GOLM2: variants seen among roughly 807,000 people sequenced by gnomAD.
The protein encoded by GOLM2 is protein GOLM2.
GOLM2 carries 26 observed loss-of-function variants against 55.9 expected under a neutral mutation model. That is an observed-to-expected ratio of 0.47 (90% CI 0.34 to 0.65). The LOEUF (loss-of-function observed/expected upper bound fraction) is 0.65, where lower values mean the gene tolerates loss of function less well. GOLM2 is among the 30% of genes least tolerant of loss of function. The pLI, the probability that GOLM2 is intolerant of heterozygous loss-of-function variation, is 0.01. For missense variants in GOLM2, 486 were observed against 531.8 expected (o/e 0.91, Z 0.85); for synonymous variants, 165 against 194.6 (o/e 0.85, Z 1.27).
At chr15:44,304,235 T>G (rs1353692252) in intron 1 of GOLM2, among the ~76,000 whole-genome samples, 1 of 131,852 alleles carries the variant, frequency 7.6e-6, no homozygotes, top group Non-Finnish European at 1.6e-5. Flanking sequence ...CACTTCTTTT[T>G]TTTTTTTTTT....
chr15:44,337,101 A>C (rs1022995007), intron 4 of GOLM2, among the ~76,000 whole-genome samples: 1 of 152,134 alleles, frequency 6.6e-6, no homozygotes, highest in Admixed American at 6.5e-5. Flanking sequence ...AAGCTTGTGT[A>C]CTTGAATCCT....
intron 6 of GOLM2, among the ~76,000 whole-genome samples, chr15:44,369,204 ATATGTG>A (rs1171619654): frequency 0.014 from 1,884 of 131,820 alleles, 49 homozygotes; most frequent in African/African-American, 0.054. Context: ...ATATATATAT[ATATGTG>A]TGTGTGTGTG....
chr15:44,391,320 C>G (rs2079487033), intron 8 of GOLM2, among the ~76,000 whole-genome samples: 1 of 151,904 alleles, frequency 6.6e-6, no homozygotes, highest in Admixed American at 6.6e-5. Flanking sequence ...CGAGACCATC[C>G]TGGCTAACAC....
At chr15:44,384,517 C>G (rs978620019) in intron 8 of GOLM2, among the ~76,000 whole-genome samples, 1 of 151,940 alleles carries the variant, frequency 6.6e-6, no homozygotes, top group African/African-American at 2.4e-5. Context: ...GAGGCTGAGG[C>G]GGGCAGATCA....
chr15:44,314,004 G>A (rs182371400), intron 1 of GOLM2, among the ~76,000 whole-genome samples: 3 of 152,072 alleles, frequency 2.0e-5, no homozygotes, highest in Non-Finnish European at 2.9e-5. Flanking sequence ...TTGGGAGGTC[G>A]AGGTGGGCAG....
intron 1 of GOLM2, among the ~76,000 whole-genome samples, chr15:44,290,680 G>C (rs938365792): frequency 1.3e-5 from 2 of 152,186 alleles, no homozygotes; most frequent in Non-Finnish European, 2.9e-5. Context: ...TTCCTACTTG[G>C]CATGGTTGAG....
intron 9 of GOLM2, among the ~76,000 whole-genome samples, chr15:44,411,180 C>A (rs573547357): frequency 1.2e-4 from 18 of 151,820 alleles, no homozygotes; most frequent in Admixed American, 9.2e-4. Flanking sequence ...CACAACCATG[C>A]CTGGCTAAAT....
Position 44,369,067 on chromosome 15 carries a change from T to TA in GOLM2, c.803-10623_803-10622insA, listed in dbSNP as rs1555424961. Among the ~76,000 whole-genome samples the TA allele has an allele frequency of 3.0e-3, 68 of 22,976 alleles. 1 individual carries two copies. Among genetic ancestry groups the TA allele is most frequent in the Middle Eastern group, 0.026 (1 of 38 alleles). The allele number at this position is 22,976 out of a possible 152,430, so 15.1% of individuals were successfully genotyped here. ...AGATATATACATATAATAGGATATATTATATATATATATATATATATATAT... is the reference window on the plus strand; with the variant it reads ...AGATATATACATATAATAGGATATATATATATATATATATATATATATATAT... On this transcript the variant is annotated intron_variant, in intron 6 of 9. Coordinates refer to ENST00000299957, the MANE Select transcript of GOLM2 (RefSeq NM_138423.4).
chr15:44,340,542 G>A (rs1193681105), intron 6 of GOLM2, among the ~76,000 whole-genome samples: 1 of 152,214 alleles, frequency 6.6e-6, no homozygotes, highest in Non-Finnish European at 1.5e-5. Context: ...ATAGGCGGGA[G>A]CTGTGGTGCC....
chr15:44,362,195 G>GCC (rs1416650365), intron 6 of GOLM2, among the ~76,000 whole-genome samples: 1 of 150,514 alleles, frequency 6.6e-6, no homozygotes, highest in Non-Finnish European at 1.5e-5. Flanking sequence ...TCTGGCCAGG[G>GCC]CAATTAGGCA....
At chr15:44,356,128 T>C (rs1350685607) in intron 6 of GOLM2, among the ~76,000 whole-genome samples, 2 of 150,966 alleles carry the variant, frequency 1.3e-5, no homozygotes, top group Non-Finnish European at 2.9e-5. Flanking sequence ...GTTAGAAAAG[T>C]AGAAAGGTCT....
chr15:44,322,149 CT>C (rs1383494313), intron 1 of GOLM2, among the ~76,000 whole-genome samples: 1 of 152,244 alleles, frequency 6.6e-6, no homozygotes. Context: ...CGGCAGACCA[CT>C]TGAAGTCAGG....
At chr15:44,346,929 A>T (rs2079128771) in intron 6 of GOLM2, among the ~76,000 whole-genome samples, 1 of 152,060 alleles carries the variant, frequency 6.6e-6, no homozygotes, top group South Asian at 2.1e-4. Context: ...CAGGAGTTCG[A>T]GGCTTGGGCA....
At chr15:44,357,941 G>A (rs1384365426) in intron 6 of GOLM2, among the ~76,000 whole-genome samples, 1 of 152,160 alleles carries the variant, frequency 6.6e-6, no homozygotes, top group Non-Finnish European at 1.5e-5. Flanking sequence ...TCATGGATAG[G>A]AAGACTCAGT....
chr15:44,312,809 G>A (rs1225677779), intron 1 of GOLM2, among the ~76,000 whole-genome samples: 1 of 152,086 alleles, frequency 6.6e-6, no homozygotes, highest in African/African-American at 2.4e-5. Flanking sequence ...GGCTGGGTGC[G>A]GTGGCTCACG....
chr15:44,349,216 G>A (rs576759863), intron 6 of GOLM2, among the ~76,000 whole-genome samples: 49 of 146,084 alleles, frequency 3.4e-4, no homozygotes, highest in African/African-American at 1.1e-3. Context: ...CTGAGATCGC[G>A]CCATTGCACT....
At chr15:44,359,060 G>C (rs908070889) in intron 6 of GOLM2, among the ~76,000 whole-genome samples, 1 of 152,012 alleles carries the variant, frequency 6.6e-6, no homozygotes, top group Non-Finnish European at 1.5e-5. Context: ...TGAGGCAGGA[G>C]AATGGCGTGA....
intron 1 of GOLM2, among the ~76,000 whole-genome samples, chr15:44,303,973 G>A (rs535903999): frequency 1.5e-4 from 23 of 151,372 alleles, no homozygotes; most frequent in African/African-American, 5.6e-4. Flanking sequence ...TAAGTGATCC[G>A]CCTGACTCGG....
intron 1 of GOLM2, among the ~76,000 whole-genome samples, chr15:44,310,454 CTA>C (rs66828619): frequency 2.7e-4 from 39 of 142,516 alleles, no homozygotes; most frequent in East Asian, 2.1e-3. Flanking sequence ...CTCTCTCTCT[CTA>C]TATATATATA....
Sources: gnomAD v4.1 joint callset for allele counts (sites outside exome capture counted in the v4.1 genomes callset) on GRCh38, gnomAD v4.1.1 for gene constraint, MANE v1.5 for transcripts, NCBI Gene and HGNC (gene_info 2026-07-23, HGNC 2026-07-21) for gene names.